SYT1: variants seen among roughly 807,000 people sequenced by gnomAD.
SYT1 encodes the protein synaptotagmin-1.
In SYT1, 8 loss-of-function variants were observed where a neutral mutation model predicts 44.8. That is an observed-to-expected ratio of 0.18 (90% confidence interval 0.10 to 0.32). SYT1 has a LOEUF of 0.32. SYT1 is among the 10% of genes least tolerant of loss of function. SYT1 has a pLI of 1.00. For missense variants in SYT1, 286 were observed against 509.3 expected, an observed-to-expected ratio of 0.56 and a Z score of 4.22; for synonymous variants, 154 against 188.8, an observed-to-expected ratio of 0.82 and a Z score of 1.51.
At chr12:79,080,976 C>G (rs1211727363) in intron 3 of SYT1, among the ~76,000 whole-genome samples, 1 of 152,056 alleles carries the variant, frequency 6.6e-6, no homozygotes, top group African/African-American at 2.4e-5. Context: ...ACTATTGTGA[C>G]TAGATGGGGG....
At chr12:78,908,655 A>G (rs1876133325) in intron 1 of SYT1, among the ~76,000 whole-genome samples, 1 of 151,866 alleles carries the variant, frequency 6.6e-6, no homozygotes, top group African/African-American at 2.4e-5. Flanking sequence ...ATTTGGTAAT[A>G]TTTCCACTTT....
Position 78,912,415 on chromosome 12 carries a change from T to C in SYT1, c.-217+47306T>C, listed in dbSNP as rs191736846. ...GCATTGAGAGGACAGGTATGATAGA[T>C]ACTTTTGAATGCAAGGCTGAGACGT... is the stretch of plus-strand genomic sequence containing the variant. On this transcript the variant is annotated intron_variant, in intron 1 of 10. Transcript: ENST00000261205. Among the ~76,000 whole-genome samples, 303 of 152,072 alleles carry C rather than the reference T, an allele frequency of 2.0e-3. 2 individuals are homozygous for C. The highest frequency in any genetic ancestry group is 7.0e-3 in the African/African-American group (289 of 41,542).
intron 9 of SYT1, among the ~76,000 whole-genome samples, chr12:79,364,660 C>T (rs1883467098): frequency 6.6e-6 from 1 of 152,122 alleles, no homozygotes; most frequent in Non-Finnish European, 1.5e-5. Flanking sequence ...CTCAGAACCA[C>T]TGAAACTGCT....
intron 3 of SYT1, among the ~76,000 whole-genome samples, chr12:79,162,905 G>C (rs1871035134): frequency 6.6e-6 from 1 of 151,982 alleles, no homozygotes; most frequent in Non-Finnish European, 1.5e-5. Context: ...TCTTTCCACA[G>C]CTTCAAGTAT....
At chr12:79,360,133 G>A (rs1308793079) in intron 9 of SYT1, among the ~76,000 whole-genome samples, 1 of 151,928 alleles carries the variant, frequency 6.6e-6, no homozygotes, top group Non-Finnish European at 1.5e-5. Flanking sequence ...ACACTTCAGA[G>A]GCTTAAAATG....
intron 4 of SYT1, among the ~76,000 whole-genome samples, chr12:79,273,844 G>T (rs1233623206): frequency 6.6e-6 from 1 of 152,224 alleles, no homozygotes; most frequent in Non-Finnish European, 1.5e-5. Flanking sequence ...CCAGCACTTT[G>T]GAAGGCCGAT....
chr12:79,335,895 C>T (rs3860257), intron 8 of SYT1, among the ~76,000 whole-genome samples: 7,500 of 152,298 alleles, frequency 0.049, 397 homozygotes, highest in African/African-American at 0.13. Flanking sequence ...TTCACCTTGA[C>T]AGCTTTCTGT....
chr12:78,955,694 A>G (rs943786438), intron 1 of SYT1: 2 of 151,938 alleles, frequency 1.3e-5, no homozygotes, highest in African/African-American at 4.8e-5. Context: ...AATTGGTTTT[A>G]GTGTCATTGA....
chr12:79,205,724 G>A (rs1435603904), intron 3 of SYT1, among the ~76,000 whole-genome samples: 1 of 151,978 alleles, frequency 6.6e-6, no homozygotes, highest in Non-Finnish European at 1.5e-5. Context: ...CAATAATATA[G>A]GTCCAAAGGG....
chr12:79,015,119 A>G (rs1265138562), intron 2 of SYT1, among the ~76,000 whole-genome samples: 1 of 151,994 alleles, frequency 6.6e-6, no homozygotes, highest in Non-Finnish European at 1.5e-5. Context: ...CTAAATGATG[A>G]GTTAATGGGT....
chr12:79,408,810 G>A lies in SYT1; in HGVS notation c.929-35263G>A, dbSNP rs146551419. On this transcript the variant is annotated intron_variant, in intron 9 of 10. Transcript: ENST00000261205. ...ATTTCTCTGATAATTATAATTTCCC[G>A]GAGAGTTATGGCACACAAATTACTT... is the stretch of plus-strand genomic sequence containing the variant. Among the ~76,000 whole-genome samples the A allele has an allele frequency of 4.6e-4, 69 of 150,604 alleles. 1 individual carries two copies. In the Middle Eastern group the frequency reaches 0.017, roughly 37 times the overall value.
chr12:79,366,881 GATATAA>G (rs1220997389), intron 9 of SYT1, among the ~76,000 whole-genome samples: 1 of 146,904 alleles, frequency 6.8e-6, no homozygotes, highest in Non-Finnish European at 1.5e-5. Flanking sequence ...CTATATGGCT[GATATAA>G]ATAATACTGT....
chr12:79,302,056 C>T (rs1228506707), intron 8 of SYT1, among the ~76,000 whole-genome samples: 2 of 152,126 alleles, frequency 1.3e-5, no homozygotes, highest in African/African-American at 4.8e-5. Flanking sequence ...TGCCACTGTC[C>T]ATTAATTGTA....
intron 8 of SYT1, among the ~76,000 whole-genome samples, chr12:79,334,674 T>C (rs1185137757): frequency 6.6e-6 from 1 of 152,220 alleles, no homozygotes; most frequent in Admixed American, 6.5e-5. Context: ...CGTAGTAAGA[T>C]TTCTGTTGTG....
rs185156651 is a variant in SYT1, at chr12:79,105,892, A to G, written c.-18+58530A>G. Among the ~76,000 whole-genome samples the G allele has an allele frequency of 6.8e-3, 1,026 of 151,872 alleles. 15 individuals are homozygous for G. The highest frequency in any genetic ancestry group is 0.023 in the African/African-American group (973 of 41,508). ...TAGACTCCGTCTCAAGAAAAGAAAAAAAAAAAAAAGGCAATTTAATTTGTT... is the reference window on the plus strand; with the variant it reads ...TAGACTCCGTCTCAAGAAAAGAAAAGAAAAAAAAAGGCAATTTAATTTGTT... On this transcript the variant is annotated intron_variant, in intron 3 of 10. Transcript: ENST00000261205.
At chr12:79,437,741 C>A (rs1870172664) in intron 9 of SYT1, among the ~76,000 whole-genome samples, 1 of 152,120 alleles carries the variant, frequency 6.6e-6, no homozygotes, top group African/African-American at 2.4e-5. Flanking sequence ...ACATTGCATT[C>A]CAGTGCCAGA....
rs56934430 is a variant in SYT1 at position 79,300,789 on chromosome 12, TTATATA to T, written c.810+1268_810+1273del. Among the ~76,000 whole-genome samples the T allele has an allele frequency of 6.5e-3, 580 of 89,620 alleles. 4 individuals are homozygous for T. Among genetic ancestry groups the T allele is most frequent in the African/African-American group, 8.3e-3 (202 of 24,346 alleles). The allele number at this position is 89,620 out of a possible 152,430, so 58.8% of individuals were successfully genotyped here. On this transcript the variant is annotated intron_variant, in intron 8 of 10. Coordinates refer to ENST00000261205, the MANE Select transcript of SYT1 (RefSeq NM_005639.3). ...TGTATATAATATTCATGTATACTTA[TTATATA>T]TATATATATATATATATATATATAT...
chr12:79,137,776 A>G (rs1467575094), intron 3 of SYT1, among the ~76,000 whole-genome samples: 1 of 152,190 alleles, frequency 6.6e-6, no homozygotes, highest in Non-Finnish European at 1.5e-5. Context: ...ATTTCTTTAC[A>G]TAATTGGTAT....
chr12:79,235,927 C>T (rs1435202724), intron 4 of SYT1, among the ~76,000 whole-genome samples: 1 of 151,910 alleles, frequency 6.6e-6, no homozygotes, highest in African/African-American at 2.4e-5. Context: ...TTTCTTTTTC[C>T]CCCAACAAAA....
Sources: gnomAD v4.1 joint callset for allele counts (sites outside exome capture counted in the v4.1 genomes callset) on GRCh38, gnomAD v4.1.1 for gene constraint, MANE v1.5 for transcripts, NCBI Gene and HGNC (gene_info 2026-07-23, HGNC 2026-07-21) for gene names.